The following CRKL variants were observed in gnomAD, a reference collection of about 807,000 sequenced individuals.
CRKL encodes crk-like protein.
In CRKL, 3 loss-of-function variants were observed where a neutral mutation model predicts 23.0. The observed-to-expected ratio is 0.13, with a 90% CI of 0.06 to 0.34. CRKL has a LOEUF of 0.34. Among genes scored for constraint, CRKL ranks in the 10% least tolerant of loss-of-function variants. The probability of loss-of-function intolerance (pLI) is 1.00; values close to 1 mark genes in which losing one functional copy is unlikely to be tolerated. For missense variants in CRKL, 256 were observed against 394.5 expected, an observed-to-expected ratio of 0.65 and a Z score of 2.97; for synonymous variants, 188 against 160.7, an observed-to-expected ratio of 1.17 and a Z score of -1.28.
intron 2 of CRKL, among the ~76,000 whole-genome samples, chr22:20,939,969 T>C (rs2147910660): frequency 6.6e-6 from 1 of 152,144 alleles, no homozygotes; most frequent in East Asian, 1.9e-4. Context: ...TTTTTATTTT[T>C]AGTAGAGAAA....
At chr22:20,948,360 G>GAT (rs1452157030) in intron 2 of CRKL, among the ~76,000 whole-genome samples, 3 of 151,990 alleles carry the variant, frequency 2.0e-5, no homozygotes, top group African/African-American at 7.2e-5. Context: ...GAAATCCTCT[G>GAT]ATATATACAG....
At position 20,941,536 on chromosome 22, in the gene CRKL, TTA is replaced by T. The variant is rs1270476673; in HGVS notation, c.777+7294_777+7295del. Reference sequence around the variant, plus strand: ...GTGTATGTGTATATATATATATATTTTATGTGTGTGTGTGTGTGTGTGTGTGT... The same window carrying T: ...GTGTATGTGTATATATATATATATTTTGTGTGTGTGTGTGTGTGTGTGTGT... On this transcript the variant is annotated intron_variant, in intron 2 of 2. Coordinates refer to ENST00000354336, the MANE Select transcript of CRKL (RefSeq NM_005207.4). Among the ~76,000 whole-genome samples the T allele has an allele frequency of 5.1e-3, 410 of 80,620 alleles. 24 individuals are homozygous for T. Among genetic ancestry groups the T allele is most frequent in the African/African-American group, 0.015 (371 of 24,050 alleles). The allele number at this position is 80,620 out of a possible 152,430, so 52.9% of individuals were successfully genotyped here.
rs939133979 is a variant in CRKL, at chr22:20,947,797, C to T, written c.778-1914C>T. Among the ~76,000 whole-genome samples the T allele has an allele frequency of 9.4e-5, 14 of 149,442 alleles. No homozygotes were observed. The East Asian group carries it at 1.8e-3, about 19-fold the overall frequency. On this transcript the variant is annotated intron_variant, in intron 2 of 2. Coordinates refer to ENST00000354336, the MANE Select transcript of CRKL (RefSeq NM_005207.4). ...CTGCCTCCTGCGCTTAAACGATCTT[C>T]GCACCTCATTCTCCCAAGTAGCTGG...
chr22:20,942,703 C>T (rs1569137266), intron 2 of CRKL, among the ~76,000 whole-genome samples: 1 of 152,098 alleles, frequency 6.6e-6, no homozygotes, highest in African/African-American at 2.4e-5. Flanking sequence ...TCACTGCAAC[C>T]TCCATCTCCT....
chr22:20,918,252 G>T lies in CRKL; in HGVS notation c.311+7G>T. On this transcript the variant is annotated splice_region_variant and intron_variant, in intron 1 of 2. Coordinates refer to ENST00000354336, the MANE Select transcript of CRKL (RefSeq NM_005207.4). ...TCATCGAGCCTGCGCCCAGGTACGC[G>T]AGAGCCCTCCCCGACCGCGGAGGAA... is the stretch of plus-strand genomic sequence containing the variant. The T allele has an allele frequency of 1.9e-6, 3 of 1,612,764 alleles. No homozygotes were observed. Among genetic ancestry groups the T allele is most frequent in the Non-Finnish European group, 2.5e-6 (3 of 1,179,670 alleles).
intron 1 of CRKL, among the ~76,000 whole-genome samples, chr22:20,926,166 G>T (rs886384896): frequency 6.6e-6 from 1 of 152,212 alleles, no homozygotes; most frequent in Non-Finnish European, 1.5e-5. Flanking sequence ...TATAATTAAT[G>T]TAGATGATGG....
At chr22:20,925,330 C>A (rs1030174235) in intron 1 of CRKL, among the ~76,000 whole-genome samples, 2 of 151,412 alleles carry the variant, frequency 1.3e-5, no homozygotes, top group Non-Finnish European at 2.9e-5. Flanking sequence ...TTCTGAGGGT[C>A]TTTAAGATTA....
At chr22:20,923,092 A>G (rs916983348) in intron 1 of CRKL, among the ~76,000 whole-genome samples, 2 of 152,186 alleles carry the variant, frequency 1.3e-5, no homozygotes, top group African/African-American at 4.8e-5. Flanking sequence ...AGATAAATTC[A>G]GGCTATGAAG....
intron 1 of CRKL, among the ~76,000 whole-genome samples, chr22:20,930,854 G>A (rs923040718): frequency 8.6e-5 from 13 of 150,430 alleles, no homozygotes; most frequent in South Asian, 6.3e-4. Context: ...CTAATTTTTT[G>A]TATTTTTAGT....
intron 1 of CRKL, among the ~76,000 whole-genome samples, chr22:20,925,080 C>G (rs1921147181): frequency 6.6e-6 from 1 of 151,158 alleles, no homozygotes; most frequent in South Asian, 2.1e-4. Context: ...CCCAGCTACT[C>G]CGGAGGTTGA....
intron 2 of CRKL, among the ~76,000 whole-genome samples, chr22:20,941,179 C>G (rs1003294117): frequency 6.6e-6 from 1 of 151,982 alleles, no homozygotes; most frequent in African/African-American, 2.4e-5. Context: ...AGCCTTCTTA[C>G]CAAGGCTTCC....
intron 2 of CRKL, among the ~76,000 whole-genome samples, chr22:20,943,522 G>C (rs1260037588): frequency 6.6e-6 from 1 of 152,214 alleles, no homozygotes; most frequent in Non-Finnish European, 1.5e-5. Flanking sequence ...TTACAGGCGT[G>C]CGCCACCATG....
At chr22:20,925,153 A>G (rs1329133895) in intron 1 of CRKL, among the ~76,000 whole-genome samples, 1 of 137,426 alleles carries the variant, frequency 7.3e-6, no homozygotes. Flanking sequence ...ACACCACTGC[A>G]CTCCAGCCTG....
chr22:20,939,327 G>A (rs1430202835), intron 2 of CRKL, among the ~76,000 whole-genome samples: 1 of 133,092 alleles, frequency 7.5e-6, no homozygotes, highest in Non-Finnish European at 1.5e-5. Context: ...TGCAAGCTCC[G>A]CCTCCCGGGT....
rs2147904464 is a variant in CRKL at position 20,933,787 on chromosome 22, G to C, written c.320G>C (p.Ser107Thr). The C allele has an allele frequency of 1.2e-6, 2 of 1,611,486 alleles. No individual in the cohort carries two copies. The highest frequency in any genetic ancestry group is 2.7e-5 in the African/African-American group (2 of 74,918). Residue 107 changes from serine (S) to threonine (T), a missense_variant, in exon 2 of 3, where the codon AGC becomes ACC. Physicochemically the swap from Ser to Thr is moderately conservative, Grantham distance 58. This residue lies in a region of CRKL where 42 missense variants were observed against 32.7 expected (regional missense o/e 1.29). Coordinates refer to ENST00000354336, the MANE Select transcript of CRKL (RefSeq NM_005207.4). The part of the protein sequence containing the change: ...TLIEPAPRYP[S>T]PPMGSVSAPN... Reference sequence around the variant, plus strand: ...TTTCTTTCTCTCTTAAGGTATCCAAGCCCACCAATGGGATCTGTCTCAGCA... The same window carrying C: ...TTTCTTTCTCTCTTAAGGTATCCAACCCCACCAATGGGATCTGTCTCAGCA...
At chr22:20,949,443 A>C (rs1354293284) in intron 2 of CRKL, among the ~76,000 whole-genome samples, 2 of 152,208 alleles carry the variant, frequency 1.3e-5, no homozygotes, top group Non-Finnish European at 2.9e-5. Flanking sequence ...CCGTCTATAA[A>C]AAATTAAAAA....
intron 2 of CRKL, among the ~76,000 whole-genome samples, chr22:20,945,195 G>A (rs1337900039): frequency 6.7e-6 from 1 of 150,266 alleles, no homozygotes; most frequent in Non-Finnish European, 1.5e-5. Context: ...GGGTTTCACG[G>A]TATTAGCCAG....
intron 2 of CRKL, among the ~76,000 whole-genome samples, chr22:20,940,193 G>A (rs1441803309): frequency 6.6e-6 from 1 of 151,950 alleles, no homozygotes; most frequent in African/African-American, 2.4e-5. Flanking sequence ...TTGTACTAAA[G>A]TCCTTCTATG....
At chr22:20,948,187 CGTGAGGT>C (rs1922139176) in intron 2 of CRKL, among the ~76,000 whole-genome samples, 1 of 152,140 alleles carries the variant, frequency 6.6e-6, no homozygotes, top group African/African-American at 2.4e-5. Context: ...AATTGGAAGG[CGTGAGGT>C]GTGAGTGTTC....
Sources: gnomAD v4.1 joint callset for allele counts (sites outside exome capture counted in the v4.1 genomes callset) on GRCh38, gnomAD v4.1.1 for gene constraint, gnomAD v4.1.1 regional missense constraint, MANE v1.5 for transcripts, NCBI Gene and HGNC (gene_info 2026-07-23, HGNC 2026-07-21) for gene names.